The following PHTF2 variants were observed in gnomAD, a reference collection of about 807,000 sequenced individuals.
PHTF2 encodes putative homeodomain transcription factor 2, also known as protein PHTF2.
PHTF2 carries 60 observed loss-of-function variants against 101.2 expected under a neutral mutation model. The observed-to-expected ratio is 0.59, with a 90% CI of 0.48 to 0.73. The LOEUF (loss-of-function observed/expected upper bound fraction) is 0.73. Among genes scored for constraint, PHTF2 ranks in the 30% least tolerant of loss-of-function variants. The pLI, the probability that PHTF2 is intolerant of heterozygous loss-of-function variation, is 0.00. For synonymous variants in PHTF2, 311 were observed against 307.3 expected (o/e 1.01, Z -0.13); for missense variants, 747 against 908.7 (o/e 0.82, Z 2.29).
chr7:77,871,901 T>TA (rs1217980967), intron 3 of PHTF2, among the ~76,000 whole-genome samples: 2 of 152,142 alleles, frequency 1.3e-5, no homozygotes, highest in Admixed American at 6.5e-5. Flanking sequence ...TCCATGATGG[T>TA]AGTCTTGGCA....
chr7:77,865,837 G>A (rs1045267346), intron 3 of PHTF2, among the ~76,000 whole-genome samples: 1 of 151,856 alleles, frequency 6.6e-6, no homozygotes, highest in African/African-American at 2.4e-5. Context: ...TATTTCAAGG[G>A]ACTTGATTTG....
At chr7:77,884,759 T>TGTGGTG (rs1234110307) in intron 3 of PHTF2, among the ~76,000 whole-genome samples, 14 of 152,034 alleles carry the variant, frequency 9.2e-5, no homozygotes, top group African/African-American at 1.4e-4. Context: ...ATTAGCCGGA[T>TGTGGTG]GTGGTGGTGG....
At chr7:77,948,598 C>T (rs1562976891) in intron 16 of PHTF2, among the ~76,000 whole-genome samples, 3 of 151,656 alleles carry the variant, frequency 2.0e-5, no homozygotes, top group Admixed American at 1.3e-4. Flanking sequence ...ATAGGAAAAA[C>T]GAACAACATA....
intron 3 of PHTF2, among the ~76,000 whole-genome samples, chr7:77,880,866 A>G (rs1194887255): frequency 1.3e-5 from 2 of 152,198 alleles, no homozygotes; most frequent in African/African-American, 4.8e-5. Flanking sequence ...GTGGTAGAGT[A>G]TGTGTGGATA....
chr7:77,926,900 G>A (rs1158826609), intron 11 of PHTF2, among the ~76,000 whole-genome samples: 1 of 151,998 alleles, frequency 6.6e-6, no homozygotes, highest in Non-Finnish European at 1.5e-5. Context: ...GCTCACCCCT[G>A]TAATCCCTGC....
intron 12 of PHTF2, among the ~76,000 whole-genome samples, chr7:77,935,292 G>C (rs967331457): frequency 7.2e-6 from 1 of 137,942 alleles, no homozygotes; most frequent in African/African-American, 2.8e-5. Context: ...GCGCGATCTC[G>C]GCTCACTTCA....
intron 3 of PHTF2, among the ~76,000 whole-genome samples, chr7:77,892,006 G>A (rs973948983): frequency 6.6e-6 from 1 of 152,234 alleles, no homozygotes; most frequent in Non-Finnish European, 1.5e-5. Context: ...AGCCGGGTGC[G>A]TTGGCTCACG....
intron 1 of PHTF2, among the ~76,000 whole-genome samples, chr7:77,812,199 C>T (rs1793495752): frequency 1.3e-5 from 2 of 152,116 alleles, no homozygotes; most frequent in African/African-American, 4.8e-5. Flanking sequence ...AGATTAATGA[C>T]AACATATGCT....
chr7:77,941,131 A>G (rs1470575676), intron 15 of PHTF2, among the ~76,000 whole-genome samples: 1 of 152,186 alleles, frequency 6.6e-6, no homozygotes, highest in Non-Finnish European at 1.5e-5. Context: ...TGCAAATTCC[A>G]ATGATATTTA....
chr7:77,905,973 G>A (rs765230736), intron 7 of PHTF2, among the ~76,000 whole-genome samples: 1 of 151,376 alleles, frequency 6.6e-6, no homozygotes, highest in Non-Finnish European at 1.5e-5. Context: ...ATAAGTGAAT[G>A]TTTTCTCTAT....
At chr7:77,919,928 C>T (rs544254729) in intron 9 of PHTF2, among the ~76,000 whole-genome samples, 123 of 152,178 alleles carry the variant, frequency 8.1e-4, no homozygotes, top group African/African-American at 2.8e-3. Context: ...TAGATCATTT[C>T]TTAAATAAAA....
chr7:77,923,401 T>C (rs1803663555), intron 11 of PHTF2: 4 of 981,018 alleles, frequency 4.1e-6, no homozygotes, highest in Non-Finnish European at 4.8e-6. Flanking sequence ...TACCTTCTAC[T>C]CTTTTTGAGC....
chr7:77,864,104 ACT>A (rs1480895791), intron 3 of PHTF2, among the ~76,000 whole-genome samples: 2 of 151,918 alleles, frequency 1.3e-5, no homozygotes, highest in Admixed American at 6.6e-5. Context: ...TCTTTAGGAA[ACT>A]CTGCATCATG....
At chr7:77,920,537 T>C in intron 10 of PHTF2, 72 bp downstream of exon 9, 1 of 1,103,672 alleles carries the variant, frequency 9.1e-7, no homozygotes, top group Non-Finnish European at 1.4e-6. Context: ...TTAGATATAG[T>C]AGTTGCCCTT....
At chr7:77,928,954 G>A (rs1472257708) in intron 11 of PHTF2, among the ~76,000 whole-genome samples, 155 bp from the exon 11 acceptor site, 1 of 152,184 alleles carries the variant, frequency 6.6e-6, no homozygotes, top group East Asian at 1.9e-4. Context: ...CTGAATAAAA[G>A]CTAATATATT....
chr7:77,940,493 A>G lies in PHTF2; in HGVS notation c.1741-35A>G, dbSNP rs1481931360. The stretch of plus-strand genomic sequence containing the variant: ...TAATTTTGTTTTTCTGTGGTAATCT[A>G]CTTGAAAATTAATCCTCATCTTAAT... On this transcript the variant is annotated intron_variant, in intron 14 of 19. Transcript: ENST00000416283. 1.9e-6 allele frequency: 3 copies of G among 1,539,946 alleles called. No individual in the cohort carries two copies. In the East Asian group the frequency reaches 6.9e-5, roughly 35 times the overall value.
intron 8 of PHTF2, 170 bp from the exon 8 acceptor site, chr7:77,910,075 T>G: frequency 1.8e-6 from 1 of 546,316 alleles, no homozygotes. Flanking sequence ...AAATTGGTCT[T>G]GAATATGCAT....
chr7:77,833,018 A>G (rs563767561), intron 1 of PHTF2, among the ~76,000 whole-genome samples: 3 of 152,294 alleles, frequency 2.0e-5, no homozygotes, highest in Admixed American at 2.0e-4. Context: ...ACTCTAATGA[A>G]AAGTTATGGA....
intron 3 of PHTF2, among the ~76,000 whole-genome samples, chr7:77,865,325 A>C (rs1346964006): frequency 6.6e-6 from 1 of 151,940 alleles, no homozygotes; most frequent in Non-Finnish European, 1.5e-5. Context: ...TCCCGGGTTC[A>C]AGCGATTCTC....
Sources: allele counts gnomAD v4.1 joint callset (sites outside exome capture counted in the v4.1 genomes callset), GRCh38; gene constraint gnomAD v4.1.1; transcripts MANE v1.5; gene names NCBI Gene and HGNC (gene_info 2026-07-23, HGNC 2026-07-21).